The following RIF1 variants were observed in gnomAD, a reference collection of about 807,000 sequenced individuals.
The protein encoded by RIF1 is replication timing regulatory factor 1.
RIF1 carries 45 observed loss-of-function variants against 247.1 expected under a neutral mutation model. The ratio of observed to expected loss-of-function variants is 0.18; its 90% CI spans 0.14 to 0.23. The LOEUF is 0.23. Among genes scored for constraint, RIF1 ranks in the 10% least tolerant of loss-of-function variants. The probability of loss-of-function intolerance (pLI) is 1.00; values close to 1 mark genes in which losing one functional copy is unlikely to be tolerated. For missense variants in RIF1, 2,967 were observed against 2,862.5 expected (o/e 1.04, Z -0.83); for synonymous variants, 1,087 against 978.8 (o/e 1.11, Z -2.06).
At chr2:151,511,481 A>AC (rs1256209281), downstream of RIF1, among the ~76,000 whole-genome samples, 3 of 152,228 alleles carry the variant, frequency 2.0e-5, no homozygotes, top group Non-Finnish European at 4.4e-5. Flanking sequence ...AAACAAACAA[A>AC]AATAGATTTC....
chr2:151,496,627 T>C (rs1287708950), intron 10 of RIF1, among the ~76,000 whole-genome samples: 1 of 152,158 alleles, frequency 6.6e-6, no homozygotes, highest in East Asian at 1.9e-4. Context: ...TTTTCATTTT[T>C]GTGAGTACGG....
At chr2:151,526,804 C>T in the RIF1 span, 1 of 796,984 alleles carries the variant, frequency 1.3e-6, no homozygotes, top group Middle Eastern at 2.3e-4. Context: ...GGACCCATAC[C>T]TGAGCCCTGA....
intron 9 of RIF1, chr2:151,490,485 C>G (rs779983347): frequency 1.2e-6 from 2 of 1,609,038 alleles, no homozygotes; most frequent in Non-Finnish European, 1.7e-6. Context: ...ACTGGCAGAT[C>G]GTGACTGCTC....
intron 9 of RIF1, chr2:151,490,088 G>C: frequency 6.3e-7 from 1 of 1,586,418 alleles, no homozygotes; most frequent in Non-Finnish European, 8.6e-7. Flanking sequence ...CTGAAAAAAA[G>C]GGGGCAAATT....
intron 11 of RIF1, among the ~76,000 whole-genome samples, chr2:151,501,947 T>C (rs1020931650): frequency 9.2e-5 from 14 of 152,336 alleles, no homozygotes; most frequent in South Asian, 2.1e-4. Flanking sequence ...AATTAATTTA[T>C]ATCTTACATA....
intron 10 of RIF1, chr2:151,496,883 A>T: frequency 1.4e-6 from 2 of 1,462,042 alleles, no homozygotes; most frequent in East Asian, 4.9e-5. Flanking sequence ...TATTATTTTA[A>T]ATCATGAAAT....
rs13412524 is a variant in RIF1 at position 151,461,999 on chromosome 2, A to T, written c.3228-243A>T. 0.015 allele frequency among the ~76,000 whole-genome samples: 2,294 copies of T among 152,060 alleles called. 70 individuals carry two copies. Among genetic ancestry groups the T allele is most frequent in the African/African-American group, 0.052 (2,160 of 41,458 alleles). On this transcript the variant is annotated intron_variant, in intron 27 of 35. Transcript: ENST00000444746. ...AGTGATCTTCCCGCATCAACCTCCC[A>T]AGTAGCTGGGACTGCAGATGCACGC...
intron 9 of RIF1, chr2:151,493,882 G>C: frequency 6.7e-7 from 1 of 1,483,698 alleles, no homozygotes; most frequent in Non-Finnish European, 9.1e-7. Context: ...GAGATACAAA[G>C]TCATGCCCGA....
Position 151,465,545 on chromosome 2 carries a change from C to T in RIF1, c.6025C>T (p.His2009Tyr), listed in dbSNP as rs141402881. The T allele has an allele frequency of 5.6e-5, 90 of 1,613,764 alleles. No homozygotes were observed. The highest frequency in any genetic ancestry group is 1.6e-4 in the Middle Eastern group (1 of 6,084). Residue 2009 changes from histidine (H) to tyrosine (Y), a missense_variant, in exon 30 of 36, where the codon CAC (histidine) becomes TAC (tyrosine). By Grantham distance (83) the His-to-Tyr change is moderately conservative. Around this residue, in one of 7 missense-constraint regions of RIF1, gnomAD observed 2,028 missense variants for 1,825.6 expected, o/e 1.11. Coordinates refer to ENST00000444746, the MANE Select transcript of RIF1 (RefSeq NM_018151.5). ...TGGAGGAAATGATGTATCTGATCTA[C>T]ACTCATCTGAAGAAACGAATACCAA... ...LDGGNDVSDLHSSEETNTKMK... is the reference protein window; with the variant it reads ...LDGGNDVSDLYSSEETNTKMK...
the RIF1 span, chr2:151,531,141 C>T: frequency 4.7e-6 from 6 of 1,283,168 alleles, no homozygotes; most frequent in Non-Finnish European, 5.6e-6. Context: ...TGTCATGCTT[C>T]TCAATGTATA....
intron 15 of RIF1, 110 bp from the exon 16 acceptor site, chr2:151,441,795 G>T: frequency 4.1e-6 from 2 of 490,284 alleles, no homozygotes; most frequent in East Asian, 4.2e-5. Context: ...TTATATTTAC[G>T]TTAATGAATG....
intron 9 of RIF1, among the ~76,000 whole-genome samples, chr2:151,430,717 G>A (rs1183791892): frequency 1.3e-5 from 2 of 150,572 alleles, no homozygotes; most frequent in Non-Finnish European, 2.9e-5. Flanking sequence ...AGACTGGAGT[G>A]CAGTGGCTGA....
chr2:151,420,434 C>G, intron 7 of RIF1, 55 bp downstream of exon 7: 3 of 1,546,328 alleles, frequency 1.9e-6, no homozygotes, highest in Non-Finnish European at 2.7e-6. Flanking sequence ...AGGTTCTGCA[C>G]TAAGCTTAAA....
At chr2:151,493,097 C>G (rs898616176) in intron 9 of RIF1, 1 of 399,930 alleles carries the variant, frequency 2.5e-6, no homozygotes. Flanking sequence ...GGAAGGAAAA[C>G]ATTGGCAATT....
chr2:151,508,837 A>C (rs893838109), downstream of RIF1, among the ~76,000 whole-genome samples: 18 of 152,258 alleles, frequency 1.2e-4, no homozygotes, highest in African/African-American at 3.9e-4. Flanking sequence ...GTGTCCATAT[A>C]GAGGCTGCTC....
chr2:151,492,086 A>G lies in RIF1; in HGVS notation c.*416-3143A>G, dbSNP rs2057094168. 1 of 1,613,076 alleles carries G rather than the reference A, an allele frequency of 6.2e-7. No individual in the cohort carries two copies. The highest frequency in any genetic ancestry group is 1.7e-5 in the Admixed American group (1 of 59,986). On this transcript the variant is annotated intron_variant and NMD_transcript_variant, in intron 9 of 13. Coordinates refer to the RIF1 transcript ENST00000454583. ...TAAAGTTAATCCCCTCCCCCAACCC[A>G]GGCTCAGTTACCTGTAATAGTCTCC...
chr2:151,492,119 G>C, intron 9 of RIF1: 1 of 1,613,770 alleles, frequency 6.2e-7, no homozygotes, highest in Non-Finnish European at 8.5e-7. Flanking sequence ...TCCTGATCTT[G>C]GTCATTCCGT....
chr2:151,464,558 A>G lies in RIF1; in HGVS notation c.5038A>G (p.Ile1680Val). Residue 1680 changes from isoleucine to valine, a missense_variant, in exon 30 of 36, where the codon ATT becomes GTT. By Grantham distance (29) the Ile-to-Val change is conservative. Around this residue, in one of 7 missense-constraint regions of RIF1, gnomAD observed 2,028 missense variants for 1,825.6 expected, o/e 1.11. Coordinates refer to ENST00000444746, the MANE Select transcript of RIF1 (RefSeq NM_018151.5). ...PESNLRTRNA[I>V]KRLHKRDSFD... ...ATCAAATCTAAGGACTAGAAATGCCATTAAGAGATTACATAAGCGAGACTC... is the reference window on the plus strand; with the variant it reads ...ATCAAATCTAAGGACTAGAAATGCCGTTAAGAGATTACATAAGCGAGACTC... 6.2e-7 allele frequency: 1 copy of G among 1,613,056 alleles called. No homozygotes were observed. The highest frequency in any genetic ancestry group is 1.7e-5 in the Admixed American group (1 of 59,892).
chr2:151,504,645 G>T (rs568043024), intron 12 of RIF1, among the ~76,000 whole-genome samples: 30 of 152,244 alleles, frequency 2.0e-4, no homozygotes, highest in Middle Eastern at 3.4e-3. Flanking sequence ...CAAGACCAAG[G>T]TCCTCCCCTT....
Sources: gnomAD v4.1 joint callset for allele counts (sites outside exome capture counted in the v4.1 genomes callset) on GRCh38, gnomAD v4.1.1 for gene constraint, gnomAD v4.1.1 regional missense constraint, MANE v1.5 for transcripts, NCBI Gene and HGNC (gene_info 2026-07-23, HGNC 2026-07-21) for gene names.